Variants in FERMT1 observed in about 807,000 individuals in gnomAD.
FERMT1 encodes the protein FERM domain containing kindlin 1.
A neutral mutation model predicts 85.3 loss-of-function variants in FERMT1; 60 were observed. The observed-to-expected ratio is 0.70, with a 90% CI of 0.57 to 0.87. FERMT1 has a LOEUF of 0.87. Among genes scored for constraint, FERMT1 ranks in the 40% least tolerant of loss-of-function variants. The pLI, the probability that FERMT1 is intolerant of heterozygous loss-of-function variation, is 0.00. For missense variants in FERMT1, 701 were observed against 818.9 expected (o/e 0.86, Z 1.76); for synonymous variants, 275 against 301.1 (o/e 0.91, Z 0.90).
intron 11 of FERMT1, 104 bp from the exon 12 acceptor site, chr20:6,085,391 C>A: frequency 1.0e-6 from 1 of 973,744 alleles, no homozygotes; most frequent in South Asian, 1.3e-5. Context: ...AAAACCATCA[C>A]CTTCCAAGCA....
At chr20:6,111,303 T>C (rs1166063839) in intron 4 of FERMT1, among the ~76,000 whole-genome samples, 1 of 152,174 alleles carries the variant, frequency 6.6e-6, no homozygotes, top group East Asian at 1.9e-4. Flanking sequence ...ATTTGTACAA[T>C]TTGTTCTTTT....
chr20:6,121,949 C>T (rs577275662), intron 1 of FERMT1, among the ~76,000 whole-genome samples: 5 of 152,318 alleles, frequency 3.3e-5, no homozygotes, highest in African/African-American at 1.2e-4. Flanking sequence ...CATAACTTGG[C>T]ATTGAACTGT....
intron 2 of FERMT1, 116 bp from the exon 3 acceptor site, chr20:6,116,160 G>C: frequency 1.3e-6 from 1 of 751,398 alleles, no homozygotes. Flanking sequence ...CTGATCTCCA[G>C]CTCCTCATGG....
At chr20:6,120,314 C>T (rs1158892453) in intron 1 of FERMT1, 1 of 152,118 alleles carries the variant, frequency 6.6e-6, no homozygotes, top group African/African-American at 2.4e-5. Context: ...TATAAATGCA[C>T]CAATTAAAAA....
intron 1 of FERMT1, 127 bp from the exon 2 acceptor site, chr20:6,119,699 C>T: frequency 1.3e-6 from 1 of 741,016 alleles, no homozygotes; most frequent in Non-Finnish European, 2.2e-6. Flanking sequence ...AAACACTCTG[C>T]AAGGTTCCAG....
At chr20:6,111,438 C>A (rs1477742488) in intron 4 of FERMT1, among the ~76,000 whole-genome samples, 2 of 152,036 alleles carry the variant, frequency 1.3e-5, no homozygotes, top group African/African-American at 4.8e-5. Flanking sequence ...TTGAGACCAG[C>A]CTGGCCAACA....
At chr20:6,112,397 TG>T in intron 4 of FERMT1, 79 bp downstream of exon 4, 2 of 1,354,486 alleles carry the variant, frequency 1.5e-6, no homozygotes, top group Non-Finnish European at 2.1e-6. Context: ...CTTTGTTTGG[TG>T]GGGGTGGGAG....
intron 10 of FERMT1, among the ~76,000 whole-genome samples, 187 bp downstream of exon 10, chr20:6,088,778 C>A (rs1982262080): frequency 6.6e-6 from 1 of 152,010 alleles, no homozygotes; most frequent in Non-Finnish European, 1.5e-5. Context: ...CATGTGCCAC[C>A]ACGCCTGGCT....
At chr20:6,102,338 T>C (rs538372786) in intron 6 of FERMT1, among the ~76,000 whole-genome samples, 1 of 151,904 alleles carries the variant, frequency 6.6e-6, no homozygotes, top group Non-Finnish European at 1.5e-5. Flanking sequence ...TTTTCCTTGG[T>C]GGGGTTGGCT....
At chr20:6,105,653 TAA>T (rs1982776470) in intron 6 of FERMT1, among the ~76,000 whole-genome samples, 1 of 152,236 alleles carries the variant, frequency 6.6e-6, no homozygotes, top group South Asian at 2.1e-4. Flanking sequence ...CAGTTTAATA[TAA>T]GTGTTTCATT....
At chr20:6,108,477 A>G (rs1024464995) in intron 5 of FERMT1, among the ~76,000 whole-genome samples, 3 of 152,186 alleles carry the variant, frequency 2.0e-5, no homozygotes, top group Non-Finnish European at 2.9e-5. Context: ...TTTGTAGACA[A>G]AGAGACTTAG....
intron 9 of FERMT1, among the ~76,000 whole-genome samples, chr20:6,089,937 G>A (rs1982304000): frequency 6.6e-6 from 1 of 152,108 alleles, no homozygotes; most frequent in Admixed American, 6.5e-5. Flanking sequence ...TTAGTATGCG[G>A]TTTGTGGAAG....
intron 10 of FERMT1, among the ~76,000 whole-genome samples, chr20:6,088,707 C>A (rs1410852195): frequency 6.7e-6 from 1 of 150,100 alleles, no homozygotes; most frequent in African/African-American, 2.5e-5. Context: ...CGGCTCACTG[C>A]AACCTTCACC....
chr20:6,111,634 A>C (rs1326306046), intron 4 of FERMT1, among the ~76,000 whole-genome samples: 4 of 143,768 alleles, frequency 2.8e-5, no homozygotes, highest in Admixed American at 7.3e-5. Flanking sequence ...TCTGTCTAAA[A>C]AAACAAAACA....
intron 9 of FERMT1, among the ~76,000 whole-genome samples, chr20:6,091,288 G>T (rs1465791520): frequency 6.6e-6 from 1 of 151,962 alleles, no homozygotes; most frequent in Non-Finnish European, 1.5e-5. Flanking sequence ...GGAGTGCAGT[G>T]GCGCAATCTT....
chr20:6,099,892 A>G (rs567673588), intron 6 of FERMT1, among the ~76,000 whole-genome samples: 63 of 151,412 alleles, frequency 4.2e-4, no homozygotes, highest in African/African-American at 1.5e-3. Context: ...CCAGCTACTC[A>G]GGAGGCTGAG....
chr20:6,119,281 G>T, intron 2 of FERMT1, 123 bp downstream of exon 2: 2 of 994,968 alleles, frequency 2.0e-6, no homozygotes, highest in Admixed American at 1.8e-5. Flanking sequence ...GGGATGAGGG[G>T]TGGGGGATTG....
At position 6,119,392 on chromosome 20, in the gene FERMT1, A is replaced by G. The variant is rs770119324; in HGVS notation, c.151+12T>C. The G allele has an allele frequency of 6.2e-7, 1 of 1,613,824 alleles. No individual in the cohort carries two copies. The highest frequency in any genetic ancestry group is 1.1e-5 in the South Asian group (1 of 91,080). On this transcript the variant is annotated intron_variant, in intron 2 of 14. Coordinates refer to ENST00000217289, the MANE Select transcript of FERMT1 (RefSeq NM_017671.5). ...TCTAATACAGAGAAACCGTAAAGCA[A>G]GAGTAACTTACTGATCTGTTCTACT...
intron 9 of FERMT1, among the ~76,000 whole-genome samples, chr20:6,094,661 T>C (rs1982454439): frequency 6.6e-6 from 1 of 152,170 alleles, no homozygotes; most frequent in African/African-American, 2.4e-5. Flanking sequence ...TTCATATGCA[T>C]TATTTCATTG....
Sources: gnomAD v4.1 joint callset for allele counts (sites outside exome capture counted in the v4.1 genomes callset) on GRCh38, gnomAD v4.1.1 for gene constraint, MANE v1.5 for transcripts, NCBI Gene and HGNC (gene_info 2026-07-23, HGNC 2026-07-21) for gene names.